Variants in DOCK5 observed in about 807,000 individuals in gnomAD.
DOCK5 encodes dedicator of cytokinesis protein 5.
Under a neutral mutation model 251.8 loss-of-function variants are expected in DOCK5, and 142 were observed. The observed-to-expected ratio is 0.56, with a 90% CI of 0.49 to 0.65. The LOEUF (loss-of-function observed/expected upper bound fraction) is 0.65, where lower values mean the gene tolerates loss of function less well. DOCK5 is among the 30% of genes least tolerant of loss of function. The pLI, the probability that DOCK5 is intolerant of heterozygous loss-of-function variation, is 0.00. For missense variants in DOCK5, 2,111 were observed against 2,312.3 expected (o/e 0.91, Z 1.79); for synonymous variants, 842 against 835.5 (o/e 1.01, Z -0.13).
chr8:25,359,201 G>A, intron 28 of DOCK5, 140 bp downstream of exon 28: 1 of 704,446 alleles, frequency 1.4e-6, no homozygotes, highest in Admixed American at 2.5e-5. Context: ...AGTGATTACA[G>A]AAAGGAGAGA....
At chr8:25,338,564 T>C (rs57115657) in intron 22 of DOCK5, among the ~76,000 whole-genome samples, 34 of 152,344 alleles carry the variant, frequency 2.2e-4, no homozygotes, top group African/African-American at 7.9e-4. Context: ...GTCCCTCCTT[T>C]CCAGGTGGAA....
At chr8:25,364,016 G>C (rs192207844) in intron 29 of DOCK5, among the ~76,000 whole-genome samples, 8 of 152,302 alleles carry the variant, frequency 5.3e-5, no homozygotes, top group African/African-American at 1.9e-4. Context: ...CAACCAAGCT[G>C]TAAATTTCTT....
intron 48 of DOCK5, 75 bp downstream of exon 48, chr8:25,403,799 C>A: frequency 6.7e-7 from 1 of 1,493,436 alleles, no homozygotes; most frequent in Admixed American, 2.0e-5. Context: ...CCACGCATCA[C>A]TCCTTTGAGA....
chr8:25,315,582 C>A (rs9644094), intron 13 of DOCK5, among the ~76,000 whole-genome samples: 1 of 152,256 alleles, frequency 6.6e-6, no homozygotes, highest in Non-Finnish European at 1.5e-5. Context: ...ATTTATTCAA[C>A]TAATTCCCTG....
rs558407093 is a variant in DOCK5 at position 25,322,800 on chromosome 8, G to A, written c.1616-1048G>A. ...GCACCCAGACAATCTGATTCTAGCT[G>A]GGCTGGAGCCGGATCATGAAGGCTG... On this transcript the variant is annotated intron_variant, in intron 16 of 51. Transcript: ENST00000276440. Among the ~76,000 whole-genome samples, 131 of 152,268 alleles carry A rather than the reference G, an allele frequency of 8.6e-4. 4 individuals are homozygous for A. The South Asian group carries it at 0.026, about 31-fold the overall frequency.
chr8:25,349,152 T>C (rs1399904944), intron 26 of DOCK5, among the ~76,000 whole-genome samples: 1 of 152,186 alleles, frequency 6.6e-6, no homozygotes, highest in Non-Finnish European at 1.5e-5. Context: ...AGGTACTTGA[T>C]ACTGTAATTA....
chr8:25,251,436 G>C lies in DOCK5; in HGVS notation c.127+7679G>C, dbSNP rs573989567. 3.3e-5 allele frequency among the ~76,000 whole-genome samples: 5 copies of C among 152,290 alleles called. No individual in the cohort carries two copies. The East Asian group carries it at 9.6e-4, about 29-fold the overall frequency. ...AAGAAGGGTTTGTATACGTACAGGA[G>C]TTCCCCAGAATACCCATGTTATTTC... is the stretch of plus-strand genomic sequence containing the variant. On this transcript the variant is annotated intron_variant, in intron 2 of 51. Transcript: ENST00000276440.
chr8:25,234,077 G>A (rs1802736203), intron 1 of DOCK5, among the ~76,000 whole-genome samples: 1 of 152,210 alleles, frequency 6.6e-6, no homozygotes. Flanking sequence ...GGAAGCTGCT[G>A]TTGTACTTGC....
chr8:25,342,895 C>T (rs1800267964), intron 25 of DOCK5, among the ~76,000 whole-genome samples: 1 of 150,736 alleles, frequency 6.6e-6, no homozygotes. Context: ...TTAGTAAAGA[C>T]GGGGTTTCAC....
chr8:25,201,270 A>G (rs1348962611), intron 1 of DOCK5, among the ~76,000 whole-genome samples: 1 of 152,242 alleles, frequency 6.6e-6, no homozygotes, highest in East Asian at 1.9e-4. Context: ...CTCTGTTTGA[A>G]GACAATAAAG....
intron 1 of DOCK5, among the ~76,000 whole-genome samples, chr8:25,237,496 A>G (rs1052131116): frequency 2.6e-5 from 4 of 152,212 alleles, no homozygotes; most frequent in Non-Finnish European, 4.4e-5. Flanking sequence ...CTTATTGCAT[A>G]ATCCCAGGAC....
rs145484429 is a variant in DOCK5 at position 25,235,466 on chromosome 8, C to G, written c.44-8208C>G. The stretch of plus-strand genomic sequence containing the variant: ...TTGAGACAGGGTCTCCCTATGTTGC[C>G]CAGGCTGGTCTCAAACTCCTGAGGT... On this transcript the variant is annotated intron_variant, in intron 1 of 51. Coordinates refer to ENST00000276440, the MANE Select transcript of DOCK5 (RefSeq NM_024940.8). Among the ~76,000 whole-genome samples, 786 of 152,232 alleles carry G rather than the reference C, an allele frequency of 5.2e-3. 5 individuals are homozygous for G. The highest frequency in any genetic ancestry group is 0.018 in the African/African-American group (757 of 41,546).
At chr8:25,407,948 T>G (rs778520748) in intron 48 of DOCK5, 35 bp from the exon 49 acceptor site, 1 of 1,594,880 alleles carries the variant, frequency 6.3e-7, no homozygotes, top group African/African-American at 1.3e-5. Context: ...AGGTGATCAG[T>G]ATTTGTGATG....
At chr8:25,288,942 A>G (rs1489737285) in intron 5 of DOCK5, among the ~76,000 whole-genome samples, 2 of 152,240 alleles carry the variant, frequency 1.3e-5, no homozygotes, top group Non-Finnish European at 2.9e-5. Flanking sequence ...TCAAAATTTT[A>G]AACAGGCTTT....
chr8:25,408,306 G>A (rs1199776996), intron 49 of DOCK5, among the ~76,000 whole-genome samples, 152 bp downstream of exon 49: 1 of 152,098 alleles, frequency 6.6e-6, no homozygotes, highest in Non-Finnish European at 1.5e-5. Context: ...CGCAGATTGT[G>A]GTAAGGAAAG....
chr8:25,276,358 C>A (rs559419132), intron 4 of DOCK5, among the ~76,000 whole-genome samples: 1 of 152,276 alleles, frequency 6.6e-6, no homozygotes, highest in South Asian at 2.1e-4. Context: ...ATTCATATTT[C>A]TTGCCCACCT....
chr8:25,310,384 G>T (rs376514156), intron 12 of DOCK5, 23 bp from the exon 13 acceptor site: 87 of 1,592,716 alleles, frequency 5.5e-5, no homozygotes, highest in Non-Finnish European at 6.8e-5. Context: ...AGAACTAAAC[G>T]TTTATCTTTT....
At chr8:25,339,615 T>G (rs1805900790) in intron 22 of DOCK5, among the ~76,000 whole-genome samples, 1 of 152,112 alleles carries the variant, frequency 6.6e-6, no homozygotes, top group African/African-American at 2.4e-5. Context: ...AGATGTCAGG[T>G]AAGGGTTAGT....
chr8:25,318,926 C>T (rs909691418), intron 14 of DOCK5, among the ~76,000 whole-genome samples: 1 of 152,102 alleles, frequency 6.6e-6, no homozygotes, highest in African/African-American at 2.4e-5. Context: ...TTTACTAAGG[C>T]AAGTCGTATT....
Sources: gnomAD v4.1 joint callset for allele counts (sites outside exome capture counted in the v4.1 genomes callset) on GRCh38, gnomAD v4.1.1 for gene constraint, MANE v1.5 for transcripts, NCBI Gene and HGNC (gene_info 2026-07-23, HGNC 2026-07-21) for gene names.